The following LCLAT1 variants were observed in gnomAD, a reference collection of about 807,000 sequenced individuals.
LCLAT1 encodes the protein lysocardiolipin acyltransferase 1, also known as 1-AGP acyltransferase 8.
A neutral mutation model predicts 30.7 loss-of-function variants in LCLAT1; 11 were observed. That is an observed-to-expected ratio of 0.36 (90% CI 0.23 to 0.59). The LOEUF is 0.59. Among genes scored for constraint, LCLAT1 ranks in the 20% least tolerant of loss-of-function variants. LCLAT1 has a pLI of 0.77. For missense variants in LCLAT1, 402 were observed against 458.6 expected, an observed-to-expected ratio of 0.88 and a Z score of 1.13; for synonymous variants, 155 against 151.3, an observed-to-expected ratio of 1.02 and a Z score of -0.18.
chr2:30,495,873 G>A (rs2148334036), intron 1 of LCLAT1, among the ~76,000 whole-genome samples: 1 of 152,212 alleles, frequency 6.6e-6, no homozygotes, highest in South Asian at 2.1e-4. Flanking sequence ...TATTATTCTT[G>A]ACTTCTTTGC....
chr2:30,459,626 G>A (rs775729219), intron 1 of LCLAT1: 6 of 1,613,354 alleles, frequency 3.7e-6, no homozygotes, highest in Non-Finnish European at 5.1e-6. Context: ...CATTCCAGGG[G>A]AAGGGAAATT....
chr2:30,567,668 C>T (rs1665555037), intron 4 of LCLAT1, among the ~76,000 whole-genome samples: 1 of 152,180 alleles, frequency 6.6e-6, no homozygotes. Context: ...CACACAGACC[C>T]TGTGCCATTC....
intron 5 of LCLAT1, among the ~76,000 whole-genome samples, chr2:30,590,147 A>G (rs536755762): frequency 6.6e-6 from 1 of 152,250 alleles, no homozygotes; most frequent in South Asian, 2.1e-4. Context: ...TGTTATGTCC[A>G]TAAGAATTCT....
At chr2:30,555,531 T>C (rs1317646939) in intron 3 of LCLAT1, among the ~76,000 whole-genome samples, 1 of 152,170 alleles carries the variant, frequency 6.6e-6, no homozygotes, top group African/African-American at 2.4e-5. Context: ...TTTGCAACTG[T>C]TGGGTGATTT....
intron 5 of LCLAT1, chr2:30,607,219 G>A (rs1337657458): frequency 2.6e-5 from 4 of 152,260 alleles, no homozygotes; most frequent in South Asian, 2.1e-4. Context: ...TGTATTTTTA[G>A]TAGAGACAGG....
At chr2:30,454,280 T>C (rs1387881074) in intron 1 of LCLAT1, among the ~76,000 whole-genome samples, 1 of 152,210 alleles carries the variant, frequency 6.6e-6, no homozygotes, top group African/African-American at 2.4e-5. Context: ...TGTTCCATTA[T>C]ATCATTTCAA....
chr2:30,531,702 T>C (rs1039112637), intron 2 of LCLAT1, among the ~76,000 whole-genome samples: 4 of 152,344 alleles, frequency 2.6e-5, no homozygotes, highest in East Asian at 3.9e-4. Flanking sequence ...TTTGGACATA[T>C]AACTTTTCTA....
At chr2:30,555,856 G>GAGAT (rs1664893946) in intron 3 of LCLAT1, among the ~76,000 whole-genome samples, 6 of 74,406 alleles carry the variant, frequency 8.1e-5, no homozygotes, top group Non-Finnish European at 1.7e-4. Flanking sequence ...TTTTTTTTTT[G>GAGAT]AGATAGAGTC....
intron 5 of LCLAT1, among the ~76,000 whole-genome samples, chr2:30,589,212 T>A (rs937995980): frequency 1.3e-5 from 2 of 152,236 alleles, no homozygotes; most frequent in Non-Finnish European, 2.9e-5. Context: ...AACATTTTTT[T>A]AAATATTAGA....
chr2:30,589,415 G>C (rs1572664102), intron 5 of LCLAT1, among the ~76,000 whole-genome samples: 1 of 151,832 alleles, frequency 6.6e-6, no homozygotes, highest in South Asian at 2.1e-4. Flanking sequence ...TGGATAACGA[G>C]TATGTTTATC....
chr2:30,562,382 A>G (rs1665271574), intron 4 of LCLAT1, 90 bp downstream of exon 4: 10 of 1,055,694 alleles, frequency 9.5e-6, no homozygotes, highest in Non-Finnish European at 1.2e-5. Flanking sequence ...AACAAGAATA[A>G]TGGCTCTTCC....
At chr2:30,478,313 A>G (rs1683145743) in intron 1 of LCLAT1, among the ~76,000 whole-genome samples, 1 of 152,176 alleles carries the variant, frequency 6.6e-6, no homozygotes, top group Admixed American at 6.5e-5. Context: ...TTTATAACAT[A>G]ATTTTTGTGG....
intron 1 of LCLAT1, among the ~76,000 whole-genome samples, chr2:30,500,623 G>C (rs748867067): frequency 6.6e-6 from 1 of 152,188 alleles, no homozygotes; most frequent in Non-Finnish European, 1.5e-5. Context: ...TTAGGGGGCT[G>C]AACCCTTGAA....
chr2:30,509,798 G>A lies in LCLAT1; in HGVS notation c.-4-15789G>A, dbSNP rs1213014996. ...AGGCTGGTCTCAAACTCCTGACCTC[G>A]AATGATCCACCCGCCTTGGCCTTTC... On this transcript the variant is annotated intron_variant, in intron 1 of 5. Coordinates refer to ENST00000379509, the MANE Select transcript of LCLAT1 (RefSeq NM_001002257.3). Among the ~76,000 whole-genome samples, 14 of 152,078 alleles carry A rather than the reference G, an allele frequency of 9.2e-5. 1 individual carries two copies. The East Asian group carries it at 2.7e-3, about 29-fold the overall frequency.
chr2:30,601,222 T>G (rs2609925), intron 5 of LCLAT1, among the ~76,000 whole-genome samples: 133,296 of 151,806 alleles, frequency 0.88, 58,957 homozygotes, highest in African/African-American at 0.97. Flanking sequence ...TTTGCATTGG[T>G]TTAGAACGTA....
chr2:30,449,212 A>T (rs1336948778), intron 1 of LCLAT1, among the ~76,000 whole-genome samples: 3 of 152,172 alleles, frequency 2.0e-5, no homozygotes, highest in Admixed American at 6.5e-5. Flanking sequence ...TGACATACAG[A>T]TGTGTTATGT....
intron 5 of LCLAT1, among the ~76,000 whole-genome samples, chr2:30,604,708 G>C (rs1455617977): frequency 6.6e-6 from 1 of 150,784 alleles, no homozygotes; most frequent in Non-Finnish European, 1.5e-5. Flanking sequence ...TAGCTCTCAG[G>C]TTGTACAAAC....
chr2:30,495,692 A>C (rs768406906), intron 1 of LCLAT1, among the ~76,000 whole-genome samples: 23 of 152,098 alleles, frequency 1.5e-4, no homozygotes, highest in African/African-American at 2.7e-4. Flanking sequence ...TGGGGGTGAA[A>C]GGGCAGAGGA....
intron 5 of LCLAT1, among the ~76,000 whole-genome samples, chr2:30,580,433 A>G (rs991806375): frequency 6.6e-6 from 1 of 152,126 alleles, no homozygotes; most frequent in Admixed American, 6.6e-5. Flanking sequence ...ACTATAATGT[A>G]TTTGATGACC....
Sources: gnomAD v4.1 joint callset for allele counts (sites outside exome capture counted in the v4.1 genomes callset) on GRCh38, gnomAD v4.1.1 for gene constraint, MANE v1.5 for transcripts, NCBI Gene and HGNC (gene_info 2026-07-23, HGNC 2026-07-21) for gene names.